EIPR1: variants seen among roughly 807,000 people sequenced by gnomAD.
The protein encoded by EIPR1 is EARP and GARP complex-interacting protein 1.
EIPR1 carries 25 observed loss-of-function variants against 48.1 expected under a neutral mutation model. That is an observed-to-expected ratio of 0.52 (90% CI 0.38 to 0.73). The LOEUF is 0.73. Among genes scored for constraint, EIPR1 ranks in the 30% least tolerant of loss-of-function variants. The probability of loss-of-function intolerance (pLI) is 0.00; values close to 1 mark genes in which losing one functional copy is unlikely to be tolerated. For missense variants in EIPR1, 415 were observed against 506.2 expected (o/e 0.82, Z 1.73); for synonymous variants, 204 against 201.9 (o/e 1.01, Z -0.09).
chr2:3,368,900 T>C (rs954978530), intron 1 of EIPR1, among the ~76,000 whole-genome samples: 12 of 152,226 alleles, frequency 7.9e-5, no homozygotes, highest in Admixed American at 7.9e-4. Context: ...TCCGTGTTGG[T>C]CTTTTATTTG....
At chr2:3,327,246 T>C (rs1296418396) in intron 3 of EIPR1, among the ~76,000 whole-genome samples, 3 of 151,982 alleles carry the variant, frequency 2.0e-5, no homozygotes, top group Non-Finnish European at 4.4e-5. Flanking sequence ...TGCAGTGGCA[T>C]GATCTCAGCC....
At chr2:3,307,839 T>C (rs776673034) in intron 3 of EIPR1, among the ~76,000 whole-genome samples, 5 of 152,174 alleles carry the variant, frequency 3.3e-5, no homozygotes, top group Non-Finnish European at 5.9e-5. Flanking sequence ...CAGAAGAGAA[T>C]TGTAATGTTC....
intron 3 of EIPR1, among the ~76,000 whole-genome samples, chr2:3,266,213 G>T (rs1667481923): frequency 1.3e-5 from 2 of 152,220 alleles, no homozygotes; most frequent in African/African-American, 4.8e-5. Context: ...CCTGCCTGGG[G>T]GACATAATCT....
At position 3,370,888 on chromosome 2, in the gene EIPR1, T is replaced by C. The variant is rs559845698; in HGVS notation, c.42+6760A>G. Reference sequence around the variant, plus strand: ...ATTCAGATTCAGGAAATACAGAGAATGCCACAAAGATACTCCTCGAGAAGA... The same window carrying C: ...ATTCAGATTCAGGAAATACAGAGAACGCCACAAAGATACTCCTCGAGAAGA... On this transcript the variant is annotated intron_variant, in intron 1 of 8. Coordinates refer to ENST00000382125, the MANE Select transcript of EIPR1 (RefSeq NM_003310.5). Among the ~76,000 whole-genome samples, 221 of 152,022 alleles carry C rather than the reference T, an allele frequency of 1.5e-3. 1 individual carries two copies. The highest frequency in any genetic ancestry group is 3.4e-3 in the Middle Eastern group (1 of 294).
chr2:3,235,881 T>C (rs377332392), intron 4 of EIPR1, among the ~76,000 whole-genome samples: 10 of 152,226 alleles, frequency 6.6e-5, no homozygotes, highest in East Asian at 3.9e-4. Flanking sequence ...CACCTGACCA[T>C]TGCATCCTAA....
chr2:3,322,281 G>A (rs1028728446), intron 3 of EIPR1, among the ~76,000 whole-genome samples: 1 of 152,218 alleles, frequency 6.6e-6, no homozygotes, highest in Non-Finnish European at 1.5e-5. Flanking sequence ...TGTCGCTCAT[G>A]TCTGCCCCAT....
intron 3 of EIPR1, among the ~76,000 whole-genome samples, chr2:3,272,896 T>C (rs778599077): frequency 2.0e-5 from 3 of 152,286 alleles, no homozygotes; most frequent in East Asian, 1.9e-4. Context: ...TGCGTCTGTA[T>C]CTAGAGTGGT....
chr2:3,284,929 C>T (rs936902502), intron 3 of EIPR1, among the ~76,000 whole-genome samples: 1 of 152,122 alleles, frequency 6.6e-6, no homozygotes, highest in African/African-American at 2.4e-5. Context: ...GTCAGAACCA[C>T]GTGACCCAGC....
intron 1 of EIPR1, among the ~76,000 whole-genome samples, chr2:3,363,727 G>A (rs1475854403): frequency 1.3e-5 from 2 of 151,228 alleles, no homozygotes; most frequent in Non-Finnish European, 2.9e-5. Context: ...ACACAGAATG[G>A]GGTAAAGATT....
chr2:3,371,517 A>C (rs1671114172), intron 1 of EIPR1, among the ~76,000 whole-genome samples: 3 of 152,184 alleles, frequency 2.0e-5, no homozygotes, highest in Admixed American at 1.3e-4. Context: ...CATAGGCTCA[A>C]AATAAAAGGA....
In EIPR1 at chr2:3,210,627, C is replaced by CTTTTTTTTTTTT. The variant is rs56963007; in HGVS notation, c.516+3510_516+3521dup. Among the ~76,000 whole-genome samples the CTTTTTTTTTTTT allele has an allele frequency of 6.8e-5, 8 of 118,418 alleles. 4 individuals carry two copies. The highest frequency in any genetic ancestry group is 6.3e-5 in the African/African-American group (2 of 31,698). The allele number at this position is 118,418 out of a possible 152,430, so 77.7% of individuals were successfully genotyped here. A position where few individuals can be genotyped will look rare whatever the true frequency, so the allele number is the denominator to read the frequency against. On this transcript the variant is annotated intron_variant, in intron 5 of 8. Coordinates refer to ENST00000382125, the MANE Select transcript of EIPR1 (RefSeq NM_003310.5). ...TCTTCTCACTGTTTACCTCCCAATT[C>CTTTTTTTTTTTT]TTTTTTTTTTTTTTTTTTTTTGAGA...
chr2:3,244,734 T>C (rs10865536), intron 4 of EIPR1, among the ~76,000 whole-genome samples: 102,736 of 152,134 alleles, frequency 0.68, 34,985 homozygotes, highest in East Asian at 0.81. Context: ...CTCCAGAACT[T>C]ATAACAATGA....
intron 3 of EIPR1, among the ~76,000 whole-genome samples, chr2:3,307,111 T>C (rs568262289): frequency 2.6e-5 from 4 of 152,100 alleles, no homozygotes; most frequent in African/African-American, 9.6e-5. Flanking sequence ...TACAGGCGCC[T>C]GCCACCACAC....
chr2:3,246,889 G>A (rs1572350965), intron 4 of EIPR1, among the ~76,000 whole-genome samples: 1 of 83,070 alleles, frequency 1.2e-5, no homozygotes, highest in East Asian at 4.1e-4. Flanking sequence ...GGGAGGGAGG[G>A]AGGGAGGGAA....
intron 2 of EIPR1, among the ~76,000 whole-genome samples, chr2:3,344,712 G>A (rs1025441825): frequency 1.5e-5 from 2 of 135,736 alleles, no homozygotes; most frequent in Non-Finnish European, 3.0e-5. Context: ...GTGCGATCTC[G>A]GCTCACTGCA....
intron 3 of EIPR1, among the ~76,000 whole-genome samples, chr2:3,325,696 G>A (rs1669673169): frequency 6.6e-6 from 1 of 152,210 alleles, no homozygotes; most frequent in African/African-American, 2.4e-5. Flanking sequence ...CTTCTCTGAA[G>A]GGACCCTCCA....
intron 5 of EIPR1, among the ~76,000 whole-genome samples, chr2:3,199,555 A>G (rs977713178): frequency 3.3e-5 from 5 of 152,222 alleles, no homozygotes; most frequent in African/African-American, 1.2e-4. Flanking sequence ...GGTCAAGAGA[A>G]GGTGGGGACA....
chr2:3,264,897 G>C (rs1243980639), intron 3 of EIPR1, among the ~76,000 whole-genome samples: 2 of 152,110 alleles, frequency 1.3e-5, no homozygotes, highest in Admixed American at 1.3e-4. Context: ...ATGTTGGTCA[G>C]GCTGGTCTCG....
At chr2:3,202,461 C>T (rs1665081867) in intron 5 of EIPR1, among the ~76,000 whole-genome samples, 1 of 152,222 alleles carries the variant, frequency 6.6e-6, no homozygotes, top group South Asian at 2.1e-4. Flanking sequence ...TTGTTTCTAA[C>T]TAATCGATAC....
Sources: allele counts gnomAD v4.1 joint callset (sites outside exome capture counted in the v4.1 genomes callset), GRCh38; gene constraint gnomAD v4.1.1; transcripts MANE v1.5; gene names NCBI Gene and HGNC (gene_info 2026-07-23, HGNC 2026-07-21).